PTPN13: variants seen among roughly 807,000 people sequenced by gnomAD.
PTPN13 encodes tyrosine-protein phosphatase non-receptor type 13.
In PTPN13, 191 loss-of-function variants were observed where a neutral mutation model predicts 284.0. That is an observed-to-expected ratio of 0.67 (90% CI 0.60 to 0.76). PTPN13 has a LOEUF of 0.76. Ranked by LOEUF, PTPN13 falls within the 30% of genes least tolerant of loss-of-function variation. PTPN13 has a pLI of 0.00. For missense variants in PTPN13, 2,797 were observed against 2,939.9 expected (o/e 0.95, Z 1.12); for synonymous variants, 986 against 1,022.3 (o/e 0.96, Z 0.68).
rs138381694 is a variant in PTPN13 at position 86,701,869 on chromosome 4, G to A, written c.1195+68G>A. 4.9e-4 allele frequency: 689 copies of A among 1,405,220 alleles called. 2 individuals carry two copies. The African/African-American group carries it at 9.2e-3, about 19-fold the overall frequency. The allele number at this position is 1,405,220 out of a possible 1,614,324, so 87.0% of individuals were successfully genotyped here. ...TAAATATTTTTTTGAAATAAAGAAG[G>A]GTTATTAAATTATTCCACAAGTCTT... On this transcript the variant is annotated intron_variant, in intron 7 of 47. Transcript: ENST00000411767.
intron 7 of PTPN13, among the ~76,000 whole-genome samples, chr4:86,715,138 G>A (rs1578478666): frequency 1.3e-5 from 2 of 152,106 alleles, no homozygotes; most frequent in Non-Finnish European, 2.9e-5. Context: ...TACAGAATTC[G>A]TTTAGGGAAG....
At chr4:86,650,015 T>C (rs1056008322) in intron 2 of PTPN13, among the ~76,000 whole-genome samples, 1 of 152,198 alleles carries the variant, frequency 6.6e-6, no homozygotes, top group Non-Finnish European at 1.5e-5. Context: ...TGGTAGAGTC[T>C]TGCTCTCTCA....
At chr4:86,754,773 G>C (rs1240976445) in intron 20 of PTPN13, among the ~76,000 whole-genome samples, 1 of 152,056 alleles carries the variant, frequency 6.6e-6, no homozygotes, top group Non-Finnish European at 1.5e-5. Context: ...ATGTACATTG[G>C]ATAGCCAATG....
At position 86,741,775 on chromosome 4, in the gene PTPN13, C is replaced by G. The variant is rs1468887534; in HGVS notation, c.2446C>G (p.Leu816Val). ...TCACAATGGAGTGCGCACATTGGTC[C>G]TTCGCTTTCCATGGAGGGAAACCAA... ...EVHNGVRTLVLRFPWRETKKI... is the reference protein window; with the variant it reads ...EVHNGVRTLVVRFPWRETKKI... Residue 816 changes from leucine (L) to valine (V), a missense_variant, in exon 16 of 48, where the codon CTT becomes GTT. Coordinates refer to ENST00000411767, the MANE Select transcript of PTPN13 (RefSeq NM_080683.3). 6.2e-7 allele frequency: 1 copy of G among 1,611,762 alleles called. No individual in the cohort carries two copies. The highest frequency in any genetic ancestry group is 1.1e-5 in the South Asian group (1 of 90,526).
At chr4:86,678,728 T>G (rs1222723232) in intron 3 of PTPN13, among the ~76,000 whole-genome samples, 3 of 152,222 alleles carry the variant, frequency 2.0e-5, no homozygotes, top group East Asian at 3.8e-4. Context: ...TCATTCTTAA[T>G]TTTTCATTCA....
intron 40 of PTPN13, among the ~76,000 whole-genome samples, chr4:86,791,689 G>C (rs1253027175): frequency 6.6e-6 from 1 of 152,172 alleles, no homozygotes; most frequent in Non-Finnish European, 1.5e-5. Context: ...CTGTTCTGCA[G>C]CCTCCGCTGG....
intron 7 of PTPN13, among the ~76,000 whole-genome samples, chr4:86,707,158 C>G (rs985819570): frequency 6.6e-6 from 1 of 152,170 alleles, no homozygotes; most frequent in African/African-American, 2.4e-5. Flanking sequence ...CTCCCACACC[C>G]TGGGTGGGGA....
intron 5 of PTPN13, among the ~76,000 whole-genome samples, chr4:86,691,366 TGGG>T (rs1730009930): frequency 6.6e-6 from 1 of 151,992 alleles, no homozygotes; most frequent in Admixed American, 6.6e-5. Flanking sequence ...CAGTATGACA[TGGG>T]GTGTATTGTG....
At chr4:86,634,879 TA>T (rs1306549807) in intron 1 of PTPN13, among the ~76,000 whole-genome samples, 1 of 152,208 alleles carries the variant, frequency 6.6e-6, no homozygotes, top group Non-Finnish European at 1.5e-5. Flanking sequence ...CTGGGATGGA[TA>T]GGATGAAACC....
chr4:86,674,485 G>A (rs1728062670), intron 3 of PTPN13, among the ~76,000 whole-genome samples: 1 of 152,088 alleles, frequency 6.6e-6, no homozygotes, highest in Non-Finnish European at 1.5e-5. Flanking sequence ...TGTGTGTGTG[G>A]TGACTAAGCT....
intron 37 of PTPN13, among the ~76,000 whole-genome samples, chr4:86,783,397 T>C (rs1741551740): frequency 6.6e-6 from 1 of 152,152 alleles, no homozygotes; most frequent in South Asian, 2.1e-4. Flanking sequence ...TCACACTGTA[T>C]AGTGCTCTTC....
Position 86,787,226 on chromosome 4 carries a change from C to CT in PTPN13, c.6345+1298dup, listed in dbSNP as rs1208321609. Among the ~76,000 whole-genome samples the CT allele has an allele frequency of 3.3e-5, 5 of 152,014 alleles. No individual in the cohort carries two copies. In the East Asian group the frequency reaches 7.7e-4, roughly 23 times the overall value. On this transcript the variant is annotated intron_variant, in intron 40 of 47. Transcript: ENST00000411767. ...TGGCAGAAAACTTCTTTCAAGTTAT[C>CT]TTTTTTTTATTATTTTCATTATGAA...
At chr4:86,626,106 T>TA (rs1041623508) in intron 1 of PTPN13, among the ~76,000 whole-genome samples, 1 of 152,108 alleles carries the variant, frequency 6.6e-6, no homozygotes, top group Non-Finnish European at 1.5e-5. Flanking sequence ...AATGTGAAAT[T>TA]AGAGATTTCC....
In PTPN13 at chr4:86,714,222, T is replaced by G. The variant is rs559649335; in HGVS notation, c.1196-2308T>G. Among the ~76,000 whole-genome samples the G allele has an allele frequency of 3.3e-5, 5 of 152,284 alleles. No individual in the cohort carries two copies. In the South Asian group the frequency reaches 1.0e-3, roughly 32 times the overall value. ...TGTTCATGTCAGAATTTCTTTAATC[T>G]TCTCAAGCCTTAGCCAAACAGGCTC... is the stretch of plus-strand genomic sequence containing the variant. On this transcript the variant is annotated intron_variant, in intron 7 of 47. Coordinates refer to ENST00000411767, the MANE Select transcript of PTPN13 (RefSeq NM_080683.3).
chr4:86,779,603 T>C (rs1741061875), intron 35 of PTPN13, among the ~76,000 whole-genome samples: 1 of 152,090 alleles, frequency 6.6e-6, no homozygotes, highest in African/African-American at 2.4e-5. Flanking sequence ...ACACTGCAGA[T>C]ACAACCTTAA....
intron 1 of PTPN13, among the ~76,000 whole-genome samples, chr4:86,617,547 G>A (rs1236702758): frequency 6.6e-6 from 1 of 151,918 alleles, no homozygotes; most frequent in Non-Finnish European, 1.5e-5. Flanking sequence ...TTAGCATTAG[G>A]TATATCTCCT....
At chr4:86,617,965 A>C (rs1181716275) in intron 1 of PTPN13, among the ~76,000 whole-genome samples, 1 of 151,996 alleles carries the variant, frequency 6.6e-6, no homozygotes, top group Non-Finnish European at 1.5e-5. Context: ...TTTTGTTGCC[A>C]TTGCTTTTGG....
At chr4:86,636,248 G>C (rs1369386969) in intron 2 of PTPN13, among the ~76,000 whole-genome samples, 1 of 152,212 alleles carries the variant, frequency 6.6e-6, no homozygotes, top group African/African-American at 2.4e-5. Context: ...GGGTCAACAA[G>C]TATTTTGGTG....
At chr4:86,607,860 C>T (rs78679570) in intron 1 of PTPN13, among the ~76,000 whole-genome samples, 7,464 of 151,940 alleles carry the variant, frequency 0.049, 256 homozygotes, top group African/African-American at 0.07. Context: ...TTCACAGCGC[C>T]GAGTTCCTAT....
Sources: allele counts gnomAD v4.1 joint callset (sites outside exome capture counted in the v4.1 genomes callset), GRCh38; gene constraint gnomAD v4.1.1; transcripts MANE v1.5; gene names NCBI Gene and HGNC (gene_info 2026-07-23, HGNC 2026-07-21).